Variants in TMOD2 observed in about 807,000 individuals in gnomAD.
TMOD2 encodes the protein tropomodulin-2.
In TMOD2, 22 loss-of-function variants were observed where a neutral mutation model predicts 39.9. That is an observed-to-expected ratio of 0.55 (90% CI 0.39 to 0.79). TMOD2 has a LOEUF of 0.79. Among genes scored for constraint, TMOD2 ranks in the 30% least tolerant of loss-of-function variants. TMOD2 has a pLI of 0.00. For missense variants in TMOD2, 386 were observed against 413.3 expected (o/e 0.93, Z 0.57); for synonymous variants, 123 against 146.1 (o/e 0.84, Z 1.14).
At chr15:51,760,776 A>G (rs899059066) in intron 1 of TMOD2, among the ~76,000 whole-genome samples, 2 of 152,162 alleles carry the variant, frequency 1.3e-5, no homozygotes, top group African/African-American at 4.8e-5. Flanking sequence ...ATTGCACTCC[A>G]GCCTGGGCAA....
At chr15:51,785,046 T>C (rs2055958405) in intron 7 of TMOD2, 1 of 152,238 alleles carries the variant, frequency 6.6e-6, no homozygotes, top group African/African-American at 2.4e-5. Context: ...TGAAAAGCAC[T>C]ACACTAGGAG....
chr15:51,776,859 A>G (rs539272557), intron 4 of TMOD2, 73 bp from the exon 5 acceptor site: 1 of 1,227,312 alleles, frequency 8.1e-7, no homozygotes, highest in East Asian at 2.3e-5. Flanking sequence ...TTGTTCTTCA[A>G]GGGACAAATT....
Position 51,801,275 on chromosome 15 carries a change from A to ACG in TMOD2, c.876+2936_876+2937insGC, listed in dbSNP as rs1555463070. Among the ~76,000 whole-genome samples, 247 of 140,938 alleles carry ACG rather than the reference A, an allele frequency of 1.8e-3. 1 individual carries two copies. Among genetic ancestry groups the ACG allele is most frequent in the African/African-American group, 6.4e-3 (240 of 37,746 alleles). The allele number at this position is 140,938 out of a possible 152,430, so 92.5% of individuals were successfully genotyped here. On this transcript the variant is annotated intron_variant, in intron 8 of 9. Transcript: ENST00000249700. ...CACACACACACACACACACACACAC[A>ACG]CACACACACCCTGTCTCTCTCTCTC...
At chr15:51,787,550 AAGTGGGTCCCTGACCCCCGTGT>A (rs1342838824) in intron 7 of TMOD2, among the ~76,000 whole-genome samples, 1 of 152,236 alleles carries the variant, frequency 6.6e-6, no homozygotes, top group Non-Finnish European at 1.5e-5. Context: ...CTGCCTCTGC[AAGTGGGTCCCTGACCCCCGTGT>A]AGCCTGACTG....
intron 7 of TMOD2, chr15:51,785,076 C>T (rs894365477): frequency 2.6e-5 from 4 of 152,200 alleles, no homozygotes; most frequent in African/African-American, 9.7e-5. Context: ...TTGGGTAACA[C>T]TTTTCAGGCA....
At chr15:51,757,401 CAAAAA>C (rs3078133) in intron 1 of TMOD2, among the ~76,000 whole-genome samples, 17 of 81,894 alleles carry the variant, frequency 2.1e-4, no homozygotes, top group African/African-American at 2.4e-4. Flanking sequence ...GACTCCGTCT[CAAAAA>C]AAAAAAAAAA....
At chr15:51,753,459 C>T (rs1021740806) in intron 1 of TMOD2, among the ~76,000 whole-genome samples, 3 of 151,560 alleles carry the variant, frequency 2.0e-5, no homozygotes, top group African/African-American at 7.3e-5. Context: ...GGCGATGGGG[C>T]AGAGCAAATG....
chr15:51,775,872 G>A (rs1032267080), intron 4 of TMOD2, among the ~76,000 whole-genome samples: 18 of 152,038 alleles, frequency 1.2e-4, no homozygotes, highest in Non-Finnish European at 1.9e-4. Context: ...CATCGCACCC[G>A]GCCCACAGTG....
chr15:51,772,137 G>T (rs1307237429), intron 3 of TMOD2, among the ~76,000 whole-genome samples: 1 of 152,168 alleles, frequency 6.6e-6, no homozygotes. Flanking sequence ...ACTTTGGGTT[G>T]GACCCTTTCC....
At chr15:51,803,381 A>T (rs988717343) in intron 8 of TMOD2, among the ~76,000 whole-genome samples, 8 of 151,986 alleles carry the variant, frequency 5.3e-5, no homozygotes, top group African/African-American at 1.9e-4. Flanking sequence ...GAATTTCACC[A>T]TGTTCACCAG....
At chr15:51,802,486 G>C (rs1486237064) in intron 8 of TMOD2, among the ~76,000 whole-genome samples, 2 of 152,222 alleles carry the variant, frequency 1.3e-5, no homozygotes, top group African/African-American at 4.8e-5. Flanking sequence ...ATGCTGAGCA[G>C]AATTTAAACT....
At chr15:51,779,090 G>C (rs1233765900) in intron 5 of TMOD2, among the ~76,000 whole-genome samples, 1 of 151,942 alleles carries the variant, frequency 6.6e-6, no homozygotes, top group Non-Finnish European at 1.5e-5. Context: ...TGAGTAGCTG[G>C]GACTACAGGT....
chr15:51,801,288 GTCTCTC>G (rs72529496), intron 8 of TMOD2, among the ~76,000 whole-genome samples: 1,397 of 111,710 alleles, frequency 0.013, 11 homozygotes, highest in Middle Eastern at 0.032. Context: ...CACACACCCT[GTCTCTC>G]TCTCTCTCTC....
rs563942881 is a variant in TMOD2, at chr15:51,775,708, G to A, written c.407-1224G>A. ...TTCTTCTGCCTCAGCCTCCCAAGTA[G>A]CTGGGATTACAGGTGCCCGCCACCA... On this transcript the variant is annotated intron_variant, in intron 4 of 9. Transcript: ENST00000249700. 2.0e-3 allele frequency among the ~76,000 whole-genome samples: 306 copies of A among 151,214 alleles called. 6 individuals are homozygous for A. In the South Asian group the frequency reaches 0.041, roughly 20 times the overall value.
rs74015772 is a variant in TMOD2 at position 51,777,096 on chromosome 15, T to C, written c.493+78T>C. The C allele has an allele frequency of 7.1e-4, 854 of 1,198,546 alleles. 5 individuals carry two copies. The African/African-American group carries it at 0.011, about 15-fold the overall frequency. 74.2% of individuals were successfully genotyped at this position (1,198,546 alleles called of 1,614,324 possible). A position where few individuals can be genotyped will look rare whatever the true frequency, so the allele number is the denominator to read the frequency against. ...GCTGGTAGGAGAGAGGCCTGTTGAGTCTTGCAGGCTTTACACTCTGTCATT... is the reference window on the plus strand; with the variant it reads ...GCTGGTAGGAGAGAGGCCTGTTGAGCCTTGCAGGCTTTACACTCTGTCATT... On this transcript the variant is annotated intron_variant, in intron 5 of 9. Transcript: ENST00000249700.
chr15:51,786,582 CAAA>C (rs780311408), intron 7 of TMOD2, among the ~76,000 whole-genome samples: 3 of 152,178 alleles, frequency 2.0e-5, no homozygotes, highest in African/African-American at 4.8e-5. Context: ...AACTGAGACT[CAAA>C]GAAGTTGAAT....
intron 9 of TMOD2, among the ~76,000 whole-genome samples, chr15:51,807,773 A>C (rs949111727): frequency 3.9e-5 from 6 of 152,174 alleles, no homozygotes; most frequent in Non-Finnish European, 7.3e-5. Context: ...AAGAAAGTTC[A>C]AATAGCCCTC....
chr15:51,802,171 C>T (rs11630579), intron 8 of TMOD2, among the ~76,000 whole-genome samples: 57,406 of 151,358 alleles, frequency 0.38, 11,065 homozygotes, highest in Middle Eastern at 0.44. Context: ...TAATTTTCTT[C>T]AGCTTCTAAG....
At chr15:51,765,873 C>A (rs941662281) in intron 1 of TMOD2, among the ~76,000 whole-genome samples, 1 of 152,206 alleles carries the variant, frequency 6.6e-6, no homozygotes, top group African/African-American at 2.4e-5. Context: ...TCCAAACTCT[C>A]GTTCCTGAAT....
Sources: gnomAD v4.1 joint callset for allele counts (sites outside exome capture counted in the v4.1 genomes callset) on GRCh38, gnomAD v4.1.1 for gene constraint, MANE v1.5 for transcripts, NCBI Gene and HGNC (gene_info 2026-07-23, HGNC 2026-07-21) for gene names.